The following MINAR1 variants were observed in gnomAD, a reference collection of about 807,000 sequenced individuals.
MINAR1 encodes membrane integral NOTCH2 associated receptor 1, also known as major intrinsically disordered Notch2-binding receptor 1.
A neutral mutation model predicts 65.1 loss-of-function variants in MINAR1; 40 were observed. The observed-to-expected ratio is 0.61, with a 90% CI of 0.48 to 0.80. The LOEUF (loss-of-function observed/expected upper bound fraction) is 0.80, where lower values mean the gene tolerates loss of function less well. Ranked by LOEUF, MINAR1 falls within the 30% of genes least tolerant of loss-of-function variation. The probability of loss-of-function intolerance (pLI) is 0.00; values close to 1 mark genes in which losing one functional copy is unlikely to be tolerated. For missense variants in MINAR1, 1,128 were observed against 1,148.0 expected, an observed-to-expected ratio of 0.98 and a Z score of 0.25; for synonymous variants, 482 against 449.1, an observed-to-expected ratio of 1.07 and a Z score of -0.93.
At chr15:79,449,433 T>C (rs190738993) in intron 1 of MINAR1, among the ~76,000 whole-genome samples, 2 of 152,360 alleles carry the variant, frequency 1.3e-5, no homozygotes, top group South Asian at 2.1e-4. Flanking sequence ...CTCATAGCTC[T>C]GGAGGCCGGG....
intron 1 of MINAR1, among the ~76,000 whole-genome samples, chr15:79,444,460 C>G (rs1894955426): frequency 6.6e-6 from 1 of 151,870 alleles, no homozygotes; most frequent in South Asian, 2.1e-4. Context: ...TTAGTTGCTT[C>G]TTCCATTTTC....
At chr15:79,411,461 G>T in the MINAR1 span, 2 of 702,542 alleles carry the variant, frequency 2.8e-6, no homozygotes, top group Non-Finnish European at 5.2e-6. Context: ...CAGCCAGGCG[G>T]AACACCTGCC....
At position 79,456,248 on chromosome 15, in the gene MINAR1, T is replaced by C; in HGVS notation, c.101T>C (p.Leu34Pro). The change falls in exon 2 of 4, where the codon CTC becomes CCC. Residue 34 changes from leucine to proline, a missense_variant. Transcript: ENST00000305428. ...TCTTATCAGGACCTGTGCAAATCTC[T>C]CTGTGCCCGGTTCGACCTGTCGCAG... ...TVSYQDLCKSLCARFDLSQLA... is the reference protein window; with the variant it reads ...TVSYQDLCKSPCARFDLSQLA... 1 of 1,614,156 alleles carries C rather than the reference T, an allele frequency of 6.2e-7. No individual in the cohort carries two copies. Among genetic ancestry groups the C allele is most frequent in the Non-Finnish European group, 8.5e-7 (1 of 1,180,026 alleles).
chr15:79,444,186 T>C (rs1894946380), intron 1 of MINAR1, among the ~76,000 whole-genome samples: 1 of 152,234 alleles, frequency 6.6e-6, no homozygotes, highest in Non-Finnish European at 1.5e-5. Context: ...ATTAGTATCA[T>C]ATTAGTTCCT....
Position 79,456,340 on chromosome 15 carries a change from T to C in MINAR1, c.193T>C (p.Phe65Leu). 6.2e-7 allele frequency: 1 copy of C among 1,614,232 alleles called. No individual in the cohort carries two copies. Among genetic ancestry groups the C allele is most frequent in the Non-Finnish European group, 8.5e-7 (1 of 1,180,046 alleles). Residue 65 changes from phenylalanine to leucine, a missense_variant, in exon 2 of 4, where the codon TTC becomes CTC. Coordinates refer to ENST00000305428, the MANE Select transcript of MINAR1 (RefSeq NM_015206.3). Reference sequence around the variant, plus strand: ...CGATCCCAATTTTCCAGCCACGCTATTCAAAGACAAGATGAAATGCACTGT... The same window carrying C: ...CGATCCCAATTTTCCAGCCACGCTACTCAAAGACAAGATGAAATGCACTGT... ...CLDPNFPATLFKDKMKCTVNN... is the reference protein window; with the variant it reads ...CLDPNFPATLLKDKMKCTVNN...
chr15:79,457,314 CGAG>C lies in MINAR1; in HGVS notation c.1171_1173del (p.Glu391del), dbSNP rs1281121662. 1.2e-6 allele frequency: 2 copies of C among 1,614,032 alleles called. No homozygotes were observed. The highest frequency in any genetic ancestry group is 2.2e-5 in the East Asian group (1 of 44,896). On this transcript the variant is annotated inframe_deletion, in exon 2 of 4. Coordinates refer to ENST00000305428, the MANE Select transcript of MINAR1 (RefSeq NM_015206.3). ...GGTCCTTTTTCAATAGAAATCCCTCCGAGGAGAAGCTACACTATCCAAATGCCA... is the reference window on the plus strand; with the variant it reads ...GGTCCTTTTTCAATAGAAATCCCTCCGAGAAGCTACACTATCCAAATGCCA...
At chr15:79,449,311 T>C (rs928228924) in intron 1 of MINAR1, among the ~76,000 whole-genome samples, 1 of 152,222 alleles carries the variant, frequency 6.6e-6, no homozygotes, top group African/African-American at 2.4e-5. Flanking sequence ...TACTACAGAA[T>C]TGAGTTCAGA....
At chr15:79,429,600 C>T (rs2071373632), upstream of MINAR1, among the ~76,000 whole-genome samples, 1 of 152,182 alleles carries the variant, frequency 6.6e-6, no homozygotes, top group South Asian at 2.1e-4. Flanking sequence ...GCACAGTCTC[C>T]CATCTCATCG....
rs542789268 is a variant in MINAR1, at chr15:79,463,223, G to A, written c.2455G>A (p.Glu819Lys). The change falls in exon 3 of 4, where the codon GAG (glutamate) becomes AAG (lysine). Residue 819 changes from glutamate to lysine, a missense_variant. By Grantham distance (56) the Glu-to-Lys change is moderately conservative. Coordinates refer to ENST00000305428, the MANE Select transcript of MINAR1 (RefSeq NM_015206.3). Reference sequence around the variant, plus strand: ...CCTGTACACAGACATGCGGCTGACCGAGTTGGCCGAGGTGAAGCGGGGCCA... The same window carrying A: ...CCTGTACACAGACATGCGGCTGACCAAGTTGGCCGAGGTGAAGCGGGGCCA... ...NPLYTDMRLT[E>K]LAEVKRGQPS... 35 of 1,614,214 alleles carry A rather than the reference G, an allele frequency of 2.2e-5. No homozygotes were observed. In the East Asian group the frequency reaches 6.2e-4, roughly 29 times the overall value.
At chr15:79,466,449 G>A (rs938144097) in intron 3 of MINAR1, among the ~76,000 whole-genome samples, 1 of 152,128 alleles carries the variant, frequency 6.6e-6, no homozygotes, top group African/African-American at 2.4e-5. Flanking sequence ...GAGTGGCTGT[G>A]TTCCCATAAA....
intron 1 of MINAR1, among the ~76,000 whole-genome samples, chr15:79,448,199 A>C (rs1895074620): frequency 6.6e-6 from 1 of 152,178 alleles, no homozygotes; most frequent in Admixed American, 6.5e-5. Context: ...CTTTCTTGCC[A>C]GATCTGGAAA....
Position 79,469,759 on chromosome 15 carries a change from G to A in MINAR1, c.*1375G>A, listed in dbSNP as rs1385580819. The A allele has an allele frequency of 6.6e-6, 1 of 152,446 alleles. No homozygotes were observed. The highest frequency in any genetic ancestry group is 2.4e-5 in the African/African-American group (1 of 41,374). 9.4% of individuals were successfully genotyped at this position (152,446 alleles called of 1,614,324 possible). A position where few individuals can be genotyped will look rare whatever the true frequency, so the allele number is the denominator to read the frequency against. ...ATCTGATTCCAATGTCTTGTTACAG[G>A]TCAAAGAAAAAAGGATTGACAGAAA... On this transcript the variant is annotated 3_prime_UTR_variant, in exon 4 of 4. Transcript: ENST00000305428.
the MINAR1 span, chr15:79,426,969 C>T: frequency 2.0e-5 from 3 of 152,160 alleles, no homozygotes; most frequent in Admixed American, 6.5e-5. Context: ...CACATGCACA[C>T]GTATGTTCAT....
rs1449120578 is a variant in MINAR1, at chr15:79,457,686, TG to T, written c.1540del (p.Val514SerfsTer15). 3.0e-5 allele frequency: 49 copies of T among 1,614,004 alleles called. No individual in the cohort carries two copies. The highest frequency in any genetic ancestry group is 4.2e-5 in the Non-Finnish European group (49 of 1,180,034). ...MKHSDDDSEI[V>X]SDDISDIFRF... ...AGCACTCAGACGATGACTCAGAAAT[TG>T]TCAGCGACGACATCAGTGACATTTT... On this transcript the variant is annotated frameshift_variant, in exon 2 of 4. Transcript: ENST00000305428. LOFTEE classifies it high-confidence loss of function.
chr15:79,457,190 C>A lies in MINAR1; in HGVS notation c.1043C>A (p.Thr348Asn). The part of the protein sequence containing the change: ...TYFGPTPVMG[T>N]QEARRCLGKP... ...TTTGGGCCCACTCCCGTGATGGGAA[C>A]CCAAGAAGCCAGGCGCTGTCTAGGG... Residue 348 changes from threonine (T) to asparagine (N), a missense_variant, in exon 2 of 4, where the codon ACC becomes AAC. Physicochemically the swap from Thr to Asn is moderately conservative, Grantham distance 65. Transcript: ENST00000305428. 6.2e-7 allele frequency: 1 copy of A among 1,614,108 alleles called. No individual in the cohort carries two copies. Among genetic ancestry groups the A allele is most frequent in the Non-Finnish European group, 8.5e-7 (1 of 1,180,004 alleles).
chr15:79,465,525 G>GA (rs1054260438), intron 3 of MINAR1, among the ~76,000 whole-genome samples: 7 of 151,944 alleles, frequency 4.6e-5, no homozygotes, highest in African/African-American at 1.7e-4. Flanking sequence ...TACAGTTATT[G>GA]AAAAAACTAA....
Position 79,456,466 on chromosome 15 carries a change from A to T in MINAR1, c.319A>T (p.Thr107Ser), listed in dbSNP as rs755859523. 1 of 1,614,118 alleles carries T rather than the reference A, an allele frequency of 6.2e-7. No homozygotes were observed. Among genetic ancestry groups the T allele is most frequent in the East Asian group, 2.2e-5 (1 of 44,882 alleles). Residue 107 changes from threonine (T) to serine (S), a missense_variant, in exon 2 of 4, where the codon ACG (threonine) becomes TCG (serine). Transcript: ENST00000305428. The stretch of plus-strand genomic sequence containing the variant: ...CGGGGCTGCCAAGGAGAAGCTGCCC[A>T]CGGGCCGCCAGAAGGTACGCAAGAA... ...NGGAAKEKLP[T>S]GRQKVRKKEA... is the part of the protein sequence containing the mutation.
Position 79,454,742 on chromosome 15 carries a change from A to G in MINAR1, c.-50-1356A>G, listed in dbSNP as rs1021161762. 1.2e-4 allele frequency among the ~76,000 whole-genome samples: 19 copies of G among 152,292 alleles called. No homozygotes were observed. The East Asian group carries it at 3.5e-3, about 28-fold the overall frequency. On this transcript the variant is annotated intron_variant, in intron 1 of 3. Transcript: ENST00000305428. The stretch of plus-strand genomic sequence containing the variant: ...ATTTTAGAAAAGATGGGAAATAAAA[A>G]AAAACCTATAAAAATAACAGTGGTT...
At position 79,458,405 on chromosome 15, in the gene MINAR1, G is replaced by T. The variant is rs779722954; in HGVS notation, c.2258G>T (p.Gly753Val). Residue 753 changes from glycine (G) to valine (V), a missense_variant, in exon 2 of 4, where the codon GGC (glycine) becomes GTC (valine). Physicochemically the swap from Gly to Val is moderately radical, Grantham distance 109 (BLOSUM62 -3). Transcript: ENST00000305428. ...GLNEEEIKDT[G>V]PGDNKDWHRK... ...AATGAGGAGGAGATAAAAGACACAG[G>T]CCCAGGAGATAATAAAGACTGGCAT... is the stretch of plus-strand genomic sequence containing the variant. 3 of 1,612,264 alleles carry T rather than the reference G, an allele frequency of 1.9e-6. No homozygotes were observed. Among genetic ancestry groups the T allele is most frequent in the Non-Finnish European group, 2.5e-6 (3 of 1,179,312 alleles).
Sources: gnomAD v4.1 joint callset for allele counts (sites outside exome capture counted in the v4.1 genomes callset) on GRCh38, gnomAD v4.1.1 for gene constraint, MANE v1.5 for transcripts, NCBI Gene and HGNC (gene_info 2026-07-23, HGNC 2026-07-21) for gene names.